KCNAB2: variants seen among roughly 807,000 people sequenced by gnomAD.
The protein encoded by KCNAB2 is potassium voltage-gated channel subfamily A regulatory beta subunit 2, also known as voltage-gated potassium channel subunit beta-2.
In KCNAB2, 29 loss-of-function variants were observed where a neutral mutation model predicts 63.6. The observed-to-expected ratio is 0.46, with a 90% CI of 0.34 to 0.62. The LOEUF (loss-of-function observed/expected upper bound fraction) is 0.62, where lower values mean the gene tolerates loss of function less well. Ranked by LOEUF, KCNAB2 falls within the 20% of genes least tolerant of loss-of-function variation. The pLI is 0.01. For missense variants in KCNAB2, 359 were observed against 563.9 expected (o/e 0.64, Z 3.68); for synonymous variants, 222 against 224.2 (o/e 0.99, Z 0.09).
chr1:6,098,199 T>C (rs1402143179), intron 15 of KCNAB2: 3 of 1,166,572 alleles, frequency 2.6e-6, no homozygotes, highest in Non-Finnish European at 3.2e-6. Context: ...GCATTTGGCC[T>C]GGAGTTTCCA....
At chr1:6,004,113 T>C (rs965211631) in intron 1 of KCNAB2, among the ~76,000 whole-genome samples, 2 of 152,036 alleles carry the variant, frequency 1.3e-5, no homozygotes, top group South Asian at 2.1e-4. Flanking sequence ...AGCCTCGAGG[T>C]TGGAGCAGAA....
rs1371728820 is a variant in KCNAB2, at chr1:6,074,211, G to A, written c.300+441G>A. Among the ~76,000 whole-genome samples, 1 of 152,220 alleles carries A rather than the reference G, an allele frequency of 6.6e-6. No individual in the cohort carries two copies. The highest frequency in any genetic ancestry group is 1.5e-5 in the Non-Finnish European group (1 of 68,038). On this transcript the variant is annotated intron_variant, in intron 4 of 15. Coordinates refer to ENST00000378083, the MANE Select transcript of KCNAB2 (RefSeq NM_001199862.2). The surrounding 1 kb of genome is among the most constrained non-coding windows in gnomAD (Gnocchi z 4.9). ...AGCCCCTGCAGTGTCACAAGCTGAA[G>A]AACCTGAGATCTGCATTTCACCCAA...
chr1:6,092,725 T>A (rs1665294093), intron 10 of KCNAB2, among the ~76,000 whole-genome samples: 1 of 152,190 alleles, frequency 6.6e-6, no homozygotes, highest in Admixed American at 6.5e-5. Flanking sequence ...GAGTTGGCAG[T>A]TAAAGCAGGT....
intron 2 of KCNAB2, among the ~76,000 whole-genome samples, chr1:6,059,291 A>G (rs1160886559): frequency 6.6e-6 from 1 of 152,124 alleles, no homozygotes; most frequent in Non-Finnish European, 1.5e-5. Flanking sequence ...CCTGGGCTCA[A>G]GTAATCCTCC....
chr1:6,051,550 C>T lies in KCNAB2; in HGVS notation c.14C>T (p.Thr5Met), dbSNP rs147130504. 647 of 1,529,680 alleles carry T rather than the reference C, an allele frequency of 4.2e-4. 6 individuals carry two copies. In the African/African-American group the frequency reaches 7.0e-3, roughly 17 times the overall value. The allele number at this position is 1,529,680 out of a possible 1,614,324, so 94.8% of individuals were successfully genotyped here. MLSM[T>M]YSESLRSVSS... Reference sequence around the variant, plus strand: ...CCAGGCGGCACCATGCTGTCCATGACGTACAGCGAGAGTCTGCGGAGCGTG... The same window carrying T: ...CCAGGCGGCACCATGCTGTCCATGATGTACAGCGAGAGTCTGCGGAGCGTG... The change falls in exon 2 of 16, where the codon ACG becomes ATG. Residue 5 changes from threonine (T) to methionine (M), a missense_variant. This residue lies in a region of KCNAB2 where 88 missense variants were observed against 87.8 expected (regional missense o/e 1.00). Coordinates refer to ENST00000378083, the MANE Select transcript of KCNAB2 (RefSeq NM_001199862.2).
Position 6,051,756 on chromosome 1 carries a change from T to C in KCNAB2, c.218+2T>C. On this transcript the variant is annotated splice_donor_variant, in intron 2 of 15. Transcript: ENST00000378083. LOFTEE classifies it high-confidence loss of function. The stretch of plus-strand genomic sequence containing the variant: ...CCAGCGCACAGGCATGAAGTATCGG[T>C]AAGGGCCGGGCAGGGGGGCGGTGGG... 6.5e-7 allele frequency: 1 copy of C among 1,528,548 alleles called. No homozygotes were observed. Among genetic ancestry groups the C allele is most frequent in the Non-Finnish European group, 8.8e-7 (1 of 1,142,820 alleles). 94.7% of individuals were successfully genotyped at this position (1,528,548 alleles called of 1,614,324 possible).
Position 6,087,360 on chromosome 1 carries a change from G to A in KCNAB2, c.426-107G>A, listed in dbSNP as rs568986030. On this transcript the variant is annotated intron_variant, in intron 6 of 15. Transcript: ENST00000378083. The surrounding 1 kb of genome is among the most constrained non-coding windows in gnomAD (Gnocchi z 6.4). Reference sequence around the variant, plus strand: ...CATTTCATGCCCCAGGCTCCTGGGTGGGAGGGCTTTCAGGACCTCTGTGTG... The same window carrying A: ...CATTTCATGCCCCAGGCTCCTGGGTAGGAGGGCTTTCAGGACCTCTGTGTG... The A allele has an allele frequency of 1.9e-5, 23 of 1,207,670 alleles. No individual in the cohort carries two copies. The East Asian group carries it at 5.1e-4, about 27-fold the overall frequency. The allele number at this position is 1,207,670 out of a possible 1,614,324, so 74.8% of individuals were successfully genotyped here.
chr1:6,087,370 T>G lies in KCNAB2; in HGVS notation c.426-97T>G, dbSNP rs1664790207. The G allele has an allele frequency of 2.2e-6, 3 of 1,352,224 alleles. No homozygotes were observed. The Admixed American group carries it at 5.0e-5, about 23-fold the overall frequency. 83.8% of individuals were successfully genotyped at this position (1,352,224 alleles called of 1,614,324 possible). A position where few individuals can be genotyped will look rare whatever the true frequency, so the allele number is the denominator to read the frequency against. ...CCCAGGCTCCTGGGTGGGAGGGCTT[T>G]CAGGACCTCTGTGTGAGAGATGAGG... On this transcript the variant is annotated intron_variant, in intron 6 of 15. Coordinates refer to ENST00000378083, the MANE Select transcript of KCNAB2 (RefSeq NM_001199862.2). The surrounding 1 kb of genome is among the most constrained non-coding windows in gnomAD (Gnocchi z 6.4).
intron 1 of KCNAB2, chr1:6,007,506 A>ACCTCTGCGCCTCCTCCGCGCCT (rs1657880880): frequency 5.1e-5 from 3 of 58,864 alleles, no homozygotes; most frequent in Non-Finnish European, 1.1e-4. Context: ...GAGCCGCGCC[A>ACCTCTGCGCCTCCTCCGCGCCT]CCTCTGCGCC....
At chr1:6,013,536 G>T (rs1440623980) in intron 1 of KCNAB2, among the ~76,000 whole-genome samples, 1 of 152,108 alleles carries the variant, frequency 6.6e-6, no homozygotes, top group Non-Finnish European at 1.5e-5. Context: ...AGCATCTGAG[G>T]TCAGACACAG....
At chr1:6,079,520 CA>C (rs34597897) in intron 4 of KCNAB2, among the ~76,000 whole-genome samples, 154 of 145,064 alleles carry the variant, frequency 1.1e-3, no homozygotes, top group Admixed American at 1.4e-3. Flanking sequence ...CTCCATCTCC[CA>C]AAAAAAAAAA....
Position 6,087,281 on chromosome 1 carries a change from A to T in KCNAB2, c.426-186A>T, listed in dbSNP as rs11584419. On this transcript the variant is annotated intron_variant, in intron 6 of 15. Coordinates refer to ENST00000378083, the MANE Select transcript of KCNAB2 (RefSeq NM_001199862.2). This position sits in a 1 kb window ranked among gnomAD's most constrained non-coding sequence, Gnocchi z 6.4. ...GTGGCTGCCTCCTGGCTCCATGAGG[A>T]GCCCACGCACCCCGGCTGGGCACGT... 6.6e-6 allele frequency among the ~76,000 whole-genome samples: 1 copy of T among 152,052 alleles called. No homozygotes were observed. Among genetic ancestry groups the T allele is most frequent in the African/African-American group, 2.4e-5 (1 of 41,402 alleles).
At position 6,003,762 on chromosome 1, in the gene KCNAB2, G is replaced by T. The variant is rs1431101788; in HGVS notation, c.-53+10974G>T. ...CACGTCTCCTCGTCGTCGTTTCACC[G>T]CAACCTCGCCAGCAATGAGTATTTT... is the stretch of plus-strand genomic sequence containing the variant. On this transcript the variant is annotated intron_variant, in intron 1 of 16. Coordinates refer to the KCNAB2 transcript ENST00000341524. The surrounding 1 kb of genome is among the most constrained non-coding windows in gnomAD (Gnocchi z 4.1). 6.6e-6 allele frequency among the ~76,000 whole-genome samples: 1 copy of T among 152,152 alleles called. No homozygotes were observed. Among genetic ancestry groups the T allele is most frequent in the East Asian group, 1.9e-4 (1 of 5,196 alleles).
chr1:6,074,604 A>C lies in KCNAB2; in HGVS notation c.300+834A>C, dbSNP rs1020743798. Among the ~76,000 whole-genome samples the C allele has an allele frequency of 6.6e-6, 1 of 152,234 alleles. No homozygotes were observed. Among genetic ancestry groups the C allele is most frequent in the Non-Finnish European group, 1.5e-5 (1 of 68,040 alleles). On this transcript the variant is annotated intron_variant, in intron 4 of 15. Coordinates refer to ENST00000378083, the MANE Select transcript of KCNAB2 (RefSeq NM_001199862.2). This position sits in a 1 kb window ranked among gnomAD's most constrained non-coding sequence, Gnocchi z 4.9. ...CTGCGATTGCTCAGTTTCCAAGGGA[A>C]AGCTTTGCTTCTATCAAAATTTAAA...
chr1:6,099,777 A>G lies in KCNAB2; in HGVS notation c.*1203A>G, dbSNP rs777568118. 1.4e-5 allele frequency: 21 copies of G among 1,475,752 alleles called. No homozygotes were observed. The African/African-American group carries it at 2.7e-4, about 19-fold the overall frequency. 91.4% of individuals were successfully genotyped at this position (1,475,752 alleles called of 1,614,324 possible). On this transcript the variant is annotated 3_prime_UTR_variant, in exon 16 of 16. Transcript: ENST00000378083. ...GGAACCTCTCCCTGGAAAGACGGGC[A>G]GGGCTGGTTAGCCCCTCCCACTGCC... is the stretch of plus-strand genomic sequence containing the variant.
intron 1 of KCNAB2, among the ~76,000 whole-genome samples, chr1:6,012,038 A>G (rs10442699): frequency 0.95 from 143,827 of 151,340 alleles, 68,387 homozygotes; most frequent in East Asian, 1. Flanking sequence ...TGGAGGTGAA[A>G]GTGGAGGTGG....
rs3789556 is a variant in KCNAB2 at position 6,048,803 on chromosome 1, A to G, written c.-27+2620A>G. ...CCACACCGGACTGGCAGCTAGCCAC[A>G]TGGCCACCTCAGAAGCAGCTGCCTG... On this transcript the variant is annotated intron_variant, in intron 1 of 15. Transcript: ENST00000378083. Among the ~76,000 whole-genome samples the G allele has an allele frequency of 0.029, 4,418 of 152,258 alleles. 424 individuals carry two copies. In the East Asian group the frequency reaches 0.33, roughly 11 times the overall value.
rs1196347986 is a variant in KCNAB2 at position 6,090,490 on chromosome 1, G to A, written c.601+15G>A. 6.2e-7 allele frequency: 1 copy of A among 1,606,010 alleles called. No homozygotes were observed. Among genetic ancestry groups the A allele is most frequent in the Admixed American group, 1.7e-5 (1 of 59,906 alleles). The stretch of plus-strand genomic sequence containing the variant: ...CCCGATGGAAGGTAGGTGGTCTGCG[G>A]CGGCGCCACCGGTTAGGCCTGGGCG... On this transcript the variant is annotated intron_variant, in intron 9 of 15. Transcript: ENST00000378083.
chr1:6,066,301 G>T (rs1339589065), intron 2 of KCNAB2, among the ~76,000 whole-genome samples: 1 of 152,186 alleles, frequency 6.6e-6, no homozygotes, highest in Non-Finnish European at 1.5e-5. Flanking sequence ...AGCTTTGCAG[G>T]GTGGGGGCTG....
Sources: gnomAD v4.1 joint callset for allele counts (sites outside exome capture counted in the v4.1 genomes callset) on GRCh38, gnomAD v4.1.1 for gene constraint, gnomAD v4.1.1 regional missense constraint, Gnocchi (gnomAD v3.1) non-coding constraint, MANE v1.5 for transcripts, NCBI Gene and HGNC (gene_info 2026-07-23, HGNC 2026-07-21) for gene names.